CKMT1B: variants seen among roughly 807,000 people sequenced by gnomAD.
The protein encoded by CKMT1B is creatine kinase, mitochondrial 1B, also known as creatine kinase U-type, mitochondrial.
In CKMT1B, 13 loss-of-function variants were observed where a neutral mutation model predicts 21.8. The ratio of observed to expected loss-of-function variants is 0.60; its 90% confidence interval spans 0.39 to 0.95. CKMT1B has a LOEUF of 0.95. Among genes scored for constraint, CKMT1B ranks in the 40% least tolerant of loss-of-function variants. The pLI, the probability that CKMT1B is intolerant of heterozygous loss-of-function variation, is 0.00. For missense variants in CKMT1B, 157 were observed against 227.5 expected (o/e 0.69, Z 1.99); for synonymous variants, 50 against 80.3 (o/e 0.62, Z 2.02).
chr15:43,597,623 T>A, intron 6 of CKMT1B: 2 of 914,660 alleles, frequency 2.2e-6, no homozygotes, highest in Non-Finnish European at 2.8e-6. Flanking sequence ...CTAATAGTCA[T>A]CTTCATGACT....
chr15:43,599,255 C>T lies in CKMT1B; in HGVS notation c.1236C>T (p.Val412=), dbSNP rs774791663. The T allele has an allele frequency of 3.7e-6, 6 of 1,613,682 alleles. No individual in the cohort carries two copies. Among genetic ancestry groups the T allele is most frequent in the Non-Finnish European group, 5.1e-6 (6 of 1,179,836 alleles). The change falls in exon 9 of 9, where the codon GTC becomes GTT. Residue 412 remains valine (V), a synonymous_variant. Transcript: ENST00000441322. ...AGGATATCCGCATCCCCACACCTGT[C>T]ATCCACACCAAGCATTAACTCCCCA... The part of the protein sequence containing the change: ...RGQDIRIPTP[V]IHTKH
Position 43,595,894 on chromosome 15 carries a change from C to CTCTAG in CKMT1B, c.484_488dup (p.Arg163SerfsTer35). 2 of 102,140 alleles carry CTCTAG rather than the reference C, an allele frequency of 2.0e-5. No individual in the cohort carries two copies. The highest frequency in any genetic ancestry group is 3.2e-5 in the Non-Finnish European group (2 of 62,918). 6.3% of individuals were successfully genotyped at this position (102,140 alleles called of 1,614,324 possible). A position where few individuals can be genotyped will look rare whatever the true frequency, so the allele number is the denominator to read the frequency against. On this transcript the variant is annotated frameshift_variant, in exon 4 of 9. Transcript: ENST00000441322. LOFTEE classifies it high-confidence loss of function. Reference sequence around the variant, plus strand: ...ACTTTGATGAGAGGTATGTATTGTCCTCTAGAGTCAGAACTGGCCGAAGCA... The same window carrying CTCTAG: ...ACTTTGATGAGAGGTATGTATTGTCCTCTAGTCTAGAGTCAGAACTGGCCGAAGCA...
chr15:43,597,844 A>G, intron 6 of CKMT1B: 1 of 1,169,168 alleles, frequency 8.6e-7, no homozygotes, highest in Non-Finnish European at 1.1e-6. Flanking sequence ...CAAAGCAAAG[A>G]TAATCGATGC....
rs772902861 is a variant in CKMT1B, at chr15:43,598,899, G to T, written c.1084G>T (p.Ala362Ser). ...TGGTACTGGAGGAGTGGACACTGCTGCTACAGGCGGTGTCTTTGATATTTC... is the reference window on the plus strand; with the variant it reads ...TGGTACTGGAGGAGTGGACACTGCTTCTACAGGCGGTGTCTTTGATATTTC... ...KRGTGGVDTAATGGVFDISNL... is the reference protein window; with the variant it reads ...KRGTGGVDTASTGGVFDISNL... The change falls in exon 8 of 9, where the codon GCT becomes TCT. Residue 362 changes from alanine to serine, a missense_variant. Physicochemically the swap from Ala to Ser is moderately conservative, Grantham distance 99. Transcript: ENST00000441322. The T allele has an allele frequency of 1.8e-5, 29 of 1,609,232 alleles. No individual in the cohort carries two copies. The South Asian group carries it at 3.1e-4, about 17-fold the overall frequency.
chr15:43,598,115 T>C (rs2085605755), intron 6 of CKMT1B, 78 bp from the exon 7 acceptor site: 1 of 1,584,012 alleles, frequency 6.3e-7, no homozygotes. Context: ...CTAGTGTTCT[T>C]GTGGGTCTAG....
At chr15:43,597,581 A>G (rs1595952755) in intron 6 of CKMT1B, 2 of 1,012,538 alleles carry the variant, frequency 2.0e-6, no homozygotes, top group Non-Finnish European at 2.5e-6. Flanking sequence ...CTTTGTGACC[A>G]TCATTCTGCT....
chr15:43,599,084 G>A, intron 8 of CKMT1B, 73 bp from the exon 9 acceptor site: 1 of 1,594,632 alleles, frequency 6.3e-7, no homozygotes, highest in Non-Finnish European at 8.6e-7. Context: ...AATTGGAAAT[G>A]AGCAGGCAAG....
chr15:43,598,978 G>A (rs1164879932), intron 8 of CKMT1B, 26 bp downstream of exon 8: 3 of 1,610,972 alleles, frequency 1.9e-6, no homozygotes, highest in Non-Finnish European at 1.7e-6. Flanking sequence ...ATTAGGACAA[G>A]GAGAGGTATA....
At chr15:43,597,802 G>C (rs1376455311) in intron 6 of CKMT1B, 18 of 1,067,692 alleles carry the variant, frequency 1.7e-5, no homozygotes, top group East Asian at 7.4e-5. Flanking sequence ...TCTTCTGTCT[G>C]AAGGGACCCT....
At chr15:43,597,353 TA>T (rs1278880658) in intron 6 of CKMT1B, 1 of 1,068,202 alleles carries the variant, frequency 9.4e-7, no homozygotes, top group East Asian at 6.7e-5. Context: ...AAAATTGGGA[TA>T]ATGAGATTTT....
chr15:43,596,461 G>A lies in CKMT1B; in HGVS notation c.806G>A (p.Arg269Gln), dbSNP rs771315137. Residue 269 changes from arginine (R) to glutamine (Q), a missense_variant, in exon 6 of 9, where the codon CGG becomes CAG. By Grantham distance (43) the Arg-to-Gln change is conservative. Coordinates refer to ENST00000441322, the MANE Select transcript of CKMT1B (RefSeq NM_001375484.1). ...TGGGTGAATGAGGAGGATCATACAC[G>A]GGTGATCTCCATGGAGAAGGGTGGT... ...LIWVNEEDHT[R>Q]VISMEKGGNM... The A allele has an allele frequency of 6.3e-6, 10 of 1,596,968 alleles. No individual in the cohort carries two copies. The highest frequency in any genetic ancestry group is 1.5e-5 in the African/African-American group (1 of 68,698).
chr15:43,598,623 T>A (rs1220706424), intron 7 of CKMT1B, among the ~76,000 whole-genome samples: 1 of 147,448 alleles, frequency 6.8e-6, no homozygotes, highest in African/African-American at 2.6e-5. Flanking sequence ...CACTTAAGCC[T>A]GGGAAGTCGA....
chr15:43,599,319 C>T lies in CKMT1B; in HGVS notation c.*46C>T. On this transcript the variant is annotated 3_prime_UTR_variant, in exon 9 of 9. Transcript: ENST00000441322. Reference sequence around the variant, plus strand: ...ACTCAAGATTCCCAGGAGTTCTGCTCATTCTAATGATGGCCCATTCTACTT... The same window carrying T: ...ACTCAAGATTCCCAGGAGTTCTGCTTATTCTAATGATGGCCCATTCTACTT... 3.1e-6 allele frequency: 5 copies of T among 1,613,406 alleles called. No individual in the cohort carries two copies. The highest frequency in any genetic ancestry group is 3.4e-6 in the Non-Finnish European group (4 of 1,179,678).
intron 6 of CKMT1B, chr15:43,597,611 C>T: frequency 1.1e-6 from 1 of 932,980 alleles, no homozygotes; most frequent in South Asian, 2.2e-5. Flanking sequence ...GTCTCTTGAA[C>T]TCTAATAGTC....
In CKMT1B at chr15:43,596,485, G is replaced by A; in HGVS notation, c.830G>A (p.Gly277Asp). The change falls in exon 6 of 9, where the codon GGT (glycine) becomes GAT (aspartate). Residue 277 changes from glycine to aspartate, a missense_variant. By Grantham distance (94) the Gly-to-Asp change is moderately conservative. Coordinates refer to ENST00000441322, the MANE Select transcript of CKMT1B (RefSeq NM_001375484.1). ...HTRVISMEKG[G>D]NMKRVFERFC... ...CGGGTGATCTCCATGGAGAAGGGTG[G>A]TAACATGAAGAGAGTGTTTGAAAGA... 6.2e-7 allele frequency: 1 copy of A among 1,605,186 alleles called. No homozygotes were observed. Among genetic ancestry groups the A allele is most frequent in the Non-Finnish European group, 8.5e-7 (1 of 1,178,696 alleles).
At position 43,599,396 on chromosome 15, in the gene CKMT1B, G is replaced by A; in HGVS notation, c.*123G>A. 1 of 1,475,630 alleles carries A rather than the reference G, an allele frequency of 6.8e-7. No homozygotes were observed. Among genetic ancestry groups the A allele is most frequent in the Non-Finnish European group, 9.3e-7 (1 of 1,076,924 alleles). 91.4% of individuals were successfully genotyped at this position (1,475,630 alleles called of 1,614,324 possible). A position where few individuals can be genotyped will look rare whatever the true frequency, so the allele number is the denominator to read the frequency against. ...GCCTCCATCCTAGTAAAGACTCCTT[G>A]CTATGCTGCAGCTGTCTGTGTTACT... On this transcript the variant is annotated 3_prime_UTR_variant, in exon 9 of 9. Coordinates refer to ENST00000441322, the MANE Select transcript of CKMT1B (RefSeq NM_001375484.1).
Position 43,599,079 on chromosome 15 carries a change from G to A in CKMT1B, c.1138-78G>A, listed in dbSNP as rs2085636349. ...TTCAGGTTGAGTGGGGAGGCAATTG[G>A]AAATGAGCAGGCAAGTCAGTCAGTG... On this transcript the variant is annotated intron_variant, in intron 8 of 8. Transcript: ENST00000441322. 1.2e-5 allele frequency: 19 copies of A among 1,590,076 alleles called. 1 individual carries two copies. The highest frequency in any genetic ancestry group is 1.6e-5 in the Non-Finnish European group (19 of 1,165,200).
chr15:43,598,823 C>G lies in CKMT1B; in HGVS notation c.1012-4C>G, dbSNP rs370436452. The G allele has an allele frequency of 1.2e-6, 2 of 1,604,616 alleles. No individual in the cohort carries two copies. Among genetic ancestry groups the G allele is most frequent in the Admixed American group, 1.7e-5 (1 of 59,570 alleles). On this transcript the variant is annotated splice_polypyrimidine_tract_variant and splice_region_variant and intron_variant, in intron 7 of 8. Coordinates refer to ENST00000441322, the MANE Select transcript of CKMT1B (RefSeq NM_001375484.1). ...CCTGCTCCCAATCCCTATCTCCTCT[C>G]TAGGATAGCCGCTTCCCAAAGATCC... is the stretch of plus-strand genomic sequence containing the variant.
At chr15:43,596,993 G>A (rs28535466) in intron 6 of CKMT1B, among the ~76,000 whole-genome samples, 1 of 148,556 alleles carries the variant, frequency 6.7e-6, no homozygotes, top group Non-Finnish European at 1.5e-5. Flanking sequence ...TTAAAGTATC[G>A]GGTCTAGGCT....
Sources: allele counts gnomAD v4.1 joint callset (sites outside exome capture counted in the v4.1 genomes callset), GRCh38; gene constraint gnomAD v4.1.1; transcripts MANE v1.5; gene names NCBI Gene and HGNC (gene_info 2026-07-23, HGNC 2026-07-21).